Variants in IGSF23 observed in about 807,000 individuals in gnomAD.
The protein encoded by IGSF23 is immunoglobulin superfamily, member 23.
In IGSF23, 14 loss-of-function variants were observed where a neutral mutation model predicts 17.8. The observed-to-expected ratio is 0.79, with a 90% confidence interval of 0.52 to 1.23. The LOEUF is 1.23. Ranked by LOEUF, IGSF23 falls within the 50% of genes most tolerant of loss-of-function variation. The probability of loss-of-function intolerance (pLI) is 0.00; values close to 1 mark genes in which losing one functional copy is unlikely to be tolerated. For synonymous variants in IGSF23, 85 were observed against 92.5 expected (o/e 0.92, Z 0.46); for missense variants, 214 against 241.7 (o/e 0.89, Z 0.76).
intron 3 of IGSF23, among the ~76,000 whole-genome samples, chr19:44,631,186 G>A (rs1972758137): frequency 6.6e-6 from 1 of 152,144 alleles, no homozygotes; most frequent in Non-Finnish European, 1.5e-5. Flanking sequence ...AGGATCGTTT[G>A]AGTCTGGGAG....
intron 1 of IGSF23, chr19:44,617,973 G>A: frequency 2.5e-6 from 1 of 407,524 alleles, no homozygotes. Context: ...AGCAGAGAAG[G>A]GTAGAAAACC....
intron 1 of IGSF23, among the ~76,000 whole-genome samples, chr19:44,621,282 CA>C (rs34896514): frequency 0.46 from 57,165 of 123,032 alleles, 12,458 homozygotes; most frequent in East Asian, 0.66. Flanking sequence ...GACCCTGTCT[CA>C]AAAAAAAAAA....
chr19:44,627,681 G>C (rs1972684369), intron 3 of IGSF23, 108 bp downstream of exon 3: 1 of 1,296,354 alleles, frequency 7.7e-7, no homozygotes, highest in African/African-American at 1.5e-5. Context: ...CCCCCATCAG[G>C]GAGGGTGATA....
chr19:44,618,922 G>A (rs1027478368), intron 1 of IGSF23, among the ~76,000 whole-genome samples: 1 of 151,112 alleles, frequency 6.6e-6, no homozygotes, highest in Admixed American at 6.6e-5. Flanking sequence ...ATTTTTTGTC[G>A]TTGTGTTAGA....
chr19:44,622,672 C>G (rs34514178), intron 1 of IGSF23, among the ~76,000 whole-genome samples: 1 of 152,160 alleles, frequency 6.6e-6, no homozygotes, highest in South Asian at 2.1e-4. Flanking sequence ...TCCTACTGCA[C>G]TCAGAGTCAA....
intron 1 of IGSF23, chr19:44,614,005 A>T (rs746651608): frequency 1.3e-6 from 2 of 1,508,630 alleles, no homozygotes; most frequent in African/African-American, 2.8e-5. Context: ...CGTTGGAGAC[A>T]GCGGCTTCAC....
intron 3 of IGSF23, 99 bp from the exon 4 acceptor site, chr19:44,635,302 A>T: frequency 1.1e-6 from 1 of 917,186 alleles, no homozygotes; most frequent in Non-Finnish European, 1.7e-6. Context: ...GGTTAGGACT[A>T]CATATTAATT....
intron 1 of IGSF23, among the ~76,000 whole-genome samples, chr19:44,621,921 C>T (rs11083743): frequency 0.71 from 108,554 of 152,016 alleles, 38,877 homozygotes; most frequent in East Asian, 0.8. Context: ...GCTTGGCTCA[C>T]AGTAAGAGCC....
chr19:44,636,122 T>G (rs1205055313), intron 4 of IGSF23, among the ~76,000 whole-genome samples: 2 of 152,132 alleles, frequency 1.3e-5, no homozygotes, highest in African/African-American at 4.8e-5. Flanking sequence ...CAGCAGAAAC[T>G]TCAAGGCCCC....
intron 1 of IGSF23, among the ~76,000 whole-genome samples, chr19:44,615,512 A>G (rs1435512797): frequency 6.6e-6 from 1 of 151,750 alleles, no homozygotes; most frequent in Admixed American, 6.6e-5. Context: ...AATCCCAGCT[A>G]CTTGGGAGGC....
intron 1 of IGSF23, among the ~76,000 whole-genome samples, chr19:44,622,154 A>G (rs1453591689): frequency 6.7e-6 from 1 of 150,014 alleles, no homozygotes; most frequent in East Asian, 2.0e-4. Flanking sequence ...CAGGGGGCAG[A>G]GGTTGCAGTG....
At chr19:44,619,834 C>A in intron 1 of IGSF23, among the ~76,000 whole-genome samples, 1 of 152,170 alleles carries the variant, frequency 6.6e-6, no homozygotes, top group East Asian at 1.9e-4. Context: ...TCGTTAAAGA[C>A]CTTATCTCCA....
At chr19:44,620,034 G>A (rs1972477817) in intron 1 of IGSF23, among the ~76,000 whole-genome samples, 1 of 152,120 alleles carries the variant, frequency 6.6e-6, no homozygotes, top group Non-Finnish European at 1.5e-5. Flanking sequence ...ATTTTGGGAG[G>A]CCAAGGCGGG....
chr19:44,629,792 C>T (rs1473863722), intron 3 of IGSF23, among the ~76,000 whole-genome samples: 1 of 151,878 alleles, frequency 6.6e-6, no homozygotes. Flanking sequence ...CACCACCATG[C>T]CCAGCCAATT....
At position 44,627,496 on chromosome 19, in the gene IGSF23, C is replaced by T. The variant is rs751089497; in HGVS notation, c.468C>T (p.Ile156=). 54 of 1,550,380 alleles carry T rather than the reference C, an allele frequency of 3.5e-5. 1 individual carries two copies. Among genetic ancestry groups the T allele is most frequent in the South Asian group, 3.1e-4 (26 of 84,058 alleles). ...TGTCCCTGTCAGGAGGCTCTGCCAT[C>T]GGGCTCCTTGCGGCTGGGATCCTGG... ...PTLSLSGGSA[I]GLLAAGILGA... Residue 156 remains isoleucine (I), a synonymous_variant, in exon 3 of 5, where the codon ATC becomes ATT. Coordinates refer to ENST00000402988, the MANE Select transcript of IGSF23 (RefSeq NM_001205280.2).
chr19:44,620,459 C>T (rs1205064952), intron 1 of IGSF23, among the ~76,000 whole-genome samples: 1 of 151,104 alleles, frequency 6.6e-6, no homozygotes, highest in Non-Finnish European at 1.5e-5. Flanking sequence ...CTCCACCACC[C>T]GGGTTCAAGC....
chr19:44,635,544 T>C, intron 4 of IGSF23, 79 bp downstream of exon 4: 2 of 959,646 alleles, frequency 2.1e-6, no homozygotes, highest in Non-Finnish European at 1.6e-6. Flanking sequence ...CCATATGTGA[T>C]TTCCTCCCTC....
intron 2 of IGSF23, among the ~76,000 whole-genome samples, chr19:44,625,977 A>G (rs1334529841): frequency 2.0e-5 from 3 of 152,154 alleles, no homozygotes; most frequent in African/African-American, 7.2e-5. Flanking sequence ...AGGCCTCCCC[A>G]GCCATGTGGA....
At chr19:44,614,552 C>T (rs555124162) in intron 1 of IGSF23, among the ~76,000 whole-genome samples, 2 of 152,062 alleles carry the variant, frequency 1.3e-5, no homozygotes, top group East Asian at 1.9e-4. Flanking sequence ...CCTGCCTCAG[C>T]GTCCTGCGTA....
Sources: gnomAD v4.1 joint callset for allele counts (sites outside exome capture counted in the v4.1 genomes callset) on GRCh38, gnomAD v4.1.1 for gene constraint, MANE v1.5 for transcripts, NCBI Gene and HGNC (gene_info 2026-07-23, HGNC 2026-07-21) for gene names.